The following ARMC7 variants were observed in gnomAD, a reference collection of about 807,000 sequenced individuals.
ARMC7 encodes the protein armadillo repeat containing 7.
In ARMC7, 9 loss-of-function variants were observed where a neutral mutation model predicts 14.8. That is an observed-to-expected ratio of 0.61 (90% CI 0.37 to 1.06). The LOEUF (loss-of-function observed/expected upper bound fraction) is 1.06. ARMC7 is among the 50% of genes least tolerant of loss of function. ARMC7 has a pLI of 0.01. For synonymous variants in ARMC7, 125 were observed against 123.4 expected, an observed-to-expected ratio of 1.01 and a Z score of -0.09; for missense variants, 262 against 267.1, an observed-to-expected ratio of 0.98 and a Z score of 0.13.
Position 75,110,086 on chromosome 17 carries a change from G to A in ARMC7, c.-203G>A, listed in dbSNP as rs1047123938. 1 of 578,790 alleles carries A rather than the reference G, an allele frequency of 1.7e-6. No individual in the cohort carries two copies. Among genetic ancestry groups the A allele is most frequent in the South Asian group, 2.2e-5 (1 of 46,498 alleles). The allele number at this position is 578,790 out of a possible 1,614,324, so 35.9% of individuals were successfully genotyped here. A position where few individuals can be genotyped will look rare whatever the true frequency, so the allele number is the denominator to read the frequency against. ...CGATTTTCAAACGCAACTCCTACAG[G>A]ATTCTGAGACCCCGTCCCATCTCCC... On this transcript the variant is annotated 5_prime_UTR_variant, in exon 1 of 3. Coordinates refer to ENST00000245543, the MANE Select transcript of ARMC7 (RefSeq NM_024585.4).
chr17:75,115,638 C>T (rs184762703), intron 2 of ARMC7, among the ~76,000 whole-genome samples: 69 of 152,210 alleles, frequency 4.5e-4, no homozygotes, highest in Admixed American at 1.5e-3. Context: ...AAGAGGATTG[C>T]TTGAGCCCCC....
chr17:75,114,288 C>A, intron 2 of ARMC7: 1 of 400,912 alleles, frequency 2.5e-6, no homozygotes, highest in South Asian at 1.3e-4. Context: ...TGGCGGAAGT[C>A]ACAGAGCAGT....
chr17:75,114,427 G>T, intron 2 of ARMC7: 1 of 395,272 alleles, frequency 2.5e-6, no homozygotes, highest in Non-Finnish European at 4.5e-6. Flanking sequence ...GCGTGGGCCT[G>T]GGCTGGGTTC....
At chr17:75,121,974 T>C (rs2074016871) in intron 2 of ARMC7, among the ~76,000 whole-genome samples, 1 of 152,164 alleles carries the variant, frequency 6.6e-6, no homozygotes, top group Non-Finnish European at 1.5e-5. Context: ...TTTTGCCTTT[T>C]TACTGTGTTA....
rs953347958 is a variant in ARMC7, at chr17:75,124,080, A to C, written c.236-4597A>C. Among the ~76,000 whole-genome samples, 4 of 152,318 alleles carry C rather than the reference A, an allele frequency of 2.6e-5. No homozygotes were observed. In the South Asian group the frequency reaches 8.3e-4, roughly 32 times the overall value. On this transcript the variant is annotated intron_variant, in intron 2 of 2. Transcript: ENST00000245543. ...CACAGGTAGACCCAGGGAGAAGCTC[A>C]AAGCAGCTGTTGCTGTGGCCTCTTG...
intron 2 of ARMC7, among the ~76,000 whole-genome samples, chr17:75,111,937 G>A (rs905356153): frequency 1.3e-5 from 2 of 151,386 alleles, no homozygotes; most frequent in African/African-American, 4.9e-5. Context: ...CTTAGGGAAA[G>A]GTCTTTGCCC....
chr17:75,111,370 C>T (rs2073921287), intron 2 of ARMC7, among the ~76,000 whole-genome samples: 1 of 150,840 alleles, frequency 6.6e-6, no homozygotes, highest in South Asian at 2.1e-4. Flanking sequence ...CGCTTGAACC[C>T]GGTAGGCAGA....
At chr17:75,113,080 C>T (rs1401202902) in intron 2 of ARMC7, among the ~76,000 whole-genome samples, 1 of 151,086 alleles carries the variant, frequency 6.6e-6, no homozygotes, top group Non-Finnish European at 1.5e-5. Context: ...GGCTGGAATG[C>T]GGTGGTGCAA....
intron 2 of ARMC7, among the ~76,000 whole-genome samples, chr17:75,112,573 C>CTTTTTTTTTTTTTTTTTTTTTTTTTTTTT (rs549730217): frequency 1.0e-5 from 1 of 100,460 alleles, no homozygotes; most frequent in African/African-American, 3.5e-5. Flanking sequence ...TTCTCTTTTT[C>CTTTTTTTTTTTTTTTTTTTTTTTTTTTTT]TTTTTTTTTT....
chr17:75,128,664 T>C lies in ARMC7; in HGVS notation c.236-13T>C. The C allele has an allele frequency of 6.2e-7, 1 of 1,604,326 alleles. No individual in the cohort carries two copies. The highest frequency in any genetic ancestry group is 8.5e-7 in the Non-Finnish European group (1 of 1,174,028). ...GGGCTACAGCATCCAGACTCTTCCT[T>C]GCTCTCCCACAGGAGGCCTGTGCAA... is the stretch of plus-strand genomic sequence containing the variant. On this transcript the variant is annotated splice_polypyrimidine_tract_variant and intron_variant, in intron 2 of 2. Transcript: ENST00000245543.
intron 2 of ARMC7, among the ~76,000 whole-genome samples, chr17:75,113,554 A>G (rs2073948367): frequency 2.0e-5 from 3 of 150,160 alleles, no homozygotes; most frequent in Admixed American, 2.0e-4. Flanking sequence ...ACGGGGTTTC[A>G]CCGTGTTAGC....
chr17:75,127,461 G>A (rs2074060176), intron 2 of ARMC7, among the ~76,000 whole-genome samples: 1 of 152,140 alleles, frequency 6.6e-6, no homozygotes, highest in African/African-American at 2.4e-5. Context: ...CACAGGCCCA[G>A]CTAATTTTTG....
At chr17:75,121,214 A>G (rs552292625) in intron 2 of ARMC7, among the ~76,000 whole-genome samples, 1 of 152,282 alleles carries the variant, frequency 6.6e-6, no homozygotes, top group Non-Finnish European at 1.5e-5. Context: ...AATTGTTTCT[A>G]GTTTAGAAGC....
chr17:75,128,103 C>G (rs1325793136), intron 2 of ARMC7, among the ~76,000 whole-genome samples: 1 of 152,028 alleles, frequency 6.6e-6, no homozygotes, highest in Non-Finnish European at 1.5e-5. Flanking sequence ...GAGACAGAGT[C>G]TAGCTCTGTT....
At chr17:75,117,126 G>A (rs2073978674) in intron 2 of ARMC7, among the ~76,000 whole-genome samples, 1 of 152,158 alleles carries the variant, frequency 6.6e-6, no homozygotes, top group South Asian at 2.1e-4. Context: ...GCCCAGGTTG[G>A]AGTGCAATGG....
intron 2 of ARMC7, among the ~76,000 whole-genome samples, chr17:75,111,651 T>C (rs1310708373): frequency 6.6e-6 from 1 of 151,000 alleles, no homozygotes; most frequent in Non-Finnish European, 1.5e-5. Context: ...GGTGGGAGGA[T>C]TGCTTAAGCC....
chr17:75,119,052 C>T (rs1050613248), intron 2 of ARMC7, among the ~76,000 whole-genome samples: 4 of 152,230 alleles, frequency 2.6e-5, no homozygotes, highest in Admixed American at 6.5e-5. Context: ...GATCCTCCGA[C>T]CCCAGCCTCC....
At chr17:75,120,813 CAAAAAA>C (rs145302822) in intron 2 of ARMC7, among the ~76,000 whole-genome samples, 1 of 81,738 alleles carries the variant, frequency 1.2e-5, no homozygotes, top group Non-Finnish European at 2.8e-5. Context: ...GACTCGGTCT[CAAAAAA>C]AAAAAAAAAA....
Position 75,110,594 on chromosome 17 carries a change from G to A in ARMC7, c.223G>A (p.Glu75Lys). The A allele has an allele frequency of 1.2e-6, 2 of 1,614,262 alleles. No homozygotes were observed. The highest frequency in any genetic ancestry group is 1.7e-6 in the Non-Finnish European group (2 of 1,180,046). Reference sequence around the variant, plus strand: ...GTCGGAGGAGAATGAGACCCTGGTGGAGTTTGCTATTGGTAAGGGCGGGGC... The same window carrying A: ...GTCGGAGGAGAATGAGACCCTGGTGAAGTTTGCTATTGGTAAGGGCGGGGC... ...SLSEENETLVEFAIGGLCNLC... is the reference protein window; with the variant it reads ...SLSEENETLVKFAIGGLCNLC... The change falls in exon 2 of 3, where the codon GAG becomes AAG. Residue 75 changes from glutamate (E) to lysine (K), a missense_variant. Transcript: ENST00000245543.
Sources: gnomAD v4.1 joint callset for allele counts (sites outside exome capture counted in the v4.1 genomes callset) on GRCh38, gnomAD v4.1.1 for gene constraint, MANE v1.5 for transcripts, NCBI Gene and HGNC (gene_info 2026-07-23, HGNC 2026-07-21) for gene names.